The following ZNF814 variants were observed in gnomAD, a reference collection of about 807,000 sequenced individuals.
ZNF814 encodes the protein zinc finger protein 814.
In ZNF814, 5 loss-of-function variants were observed where a neutral mutation model predicts 7.5. The ratio of observed to expected loss-of-function variants is 0.67; its 90% confidence interval spans 0.35 to 1.40. The LOEUF (loss-of-function observed/expected upper bound fraction) is 1.40. Among genes scored for constraint, ZNF814 ranks in the 40% most tolerant of loss-of-function variants. The pLI, the probability that ZNF814 is intolerant of heterozygous loss-of-function variation, is 0.04. For synonymous variants in ZNF814, 315 were observed against 340.7 expected (o/e 0.92, Z 0.83); for missense variants, 962 against 1,018.0 (o/e 0.94, Z 0.75).
At chr19:57,888,432 A>T (rs1390065091) in intron 1 of ZNF814, among the ~76,000 whole-genome samples, 1 of 151,968 alleles carries the variant, frequency 6.6e-6, no homozygotes, top group Non-Finnish European at 1.5e-5. Context: ...GAAAATCTCC[A>T]TGCCTTCTAG....
At position 57,873,016 on chromosome 19, in the gene ZNF814, T is replaced by C. The variant is rs765298415; in HGVS notation, c.2374A>G (p.Arg792Gly). 6.2e-7 allele frequency: 1 copy of C among 1,613,694 alleles called. No individual in the cohort carries two copies. Among genetic ancestry groups the C allele is most frequent in the Non-Finnish European group, 8.5e-7 (1 of 1,179,794 alleles). Residue 792 changes from arginine to glycine, a missense_variant, in exon 3 of 3, where the codon AGA becomes GGA. Around this residue, in one of 7 missense-constraint regions of ZNF814, gnomAD observed 665 missense variants for 551.4 expected, o/e 1.21. Coordinates refer to ENST00000435989, the MANE Select transcript of ZNF814 (RefSeq NM_001144989.2). ...TAAGGCTTTTCTCCAGTGTGAACTC[T>C]TTTGTGTTTTGTGAAACTGGAGCTT... ...AESSSFTKHK[R>G]VHTGEKPYEC...
chr19:57,889,471 G>C (rs1362755634), upstream of ZNF814, among the ~76,000 whole-genome samples: 1 of 152,214 alleles, frequency 6.6e-6, no homozygotes, highest in African/African-American at 2.4e-5. Flanking sequence ...AGCCTGAGGA[G>C]GGAGAATCGC....
At chr19:57,883,114 T>G (rs2071661525) in intron 1 of ZNF814, among the ~76,000 whole-genome samples, 1 of 151,774 alleles carries the variant, frequency 6.6e-6, no homozygotes, top group Non-Finnish European at 1.5e-5. Flanking sequence ...ATCCCAGCAC[T>G]TTGGGAGGCC....
At chr19:57,891,987 T>C (rs1217476250), upstream of ZNF814, among the ~76,000 whole-genome samples, 2 of 152,150 alleles carry the variant, frequency 1.3e-5, no homozygotes, top group African/African-American at 4.8e-5. Context: ...CTCCCAACCT[T>C]GTGATCTGCC....
chr19:57,901,123 A>G, the ZNF814 span, among the ~76,000 whole-genome samples: 4 of 151,350 alleles, frequency 2.6e-5, no homozygotes. Flanking sequence ...GGCGTGAGCC[A>G]CCGCGCCCAG....
At chr19:57,882,137 C>T (rs1221308006) in intron 1 of ZNF814, among the ~76,000 whole-genome samples, 16 of 27,424 alleles carry the variant, frequency 5.8e-4, no homozygotes, top group African/African-American at 4.9e-3. Context: ...CCTGTGGGCC[C>T]GTGCTGGTGG....
At chr19:57,900,839 A>ATTTTTTTTTCTTTTTTTTTTT in the ZNF814 span, among the ~76,000 whole-genome samples, 1 of 45,782 alleles carries the variant, frequency 2.2e-5, no homozygotes, top group Non-Finnish European at 3.8e-5. Flanking sequence ...CCATGGCTGC[A>ATTTTTTTTTCTTTTTTTTTTT]TTTTTTTTTT....
At chr19:57,878,891 G>A (rs1459857538) in intron 1 of ZNF814, among the ~76,000 whole-genome samples, 1 of 151,918 alleles carries the variant, frequency 6.6e-6, no homozygotes, top group Non-Finnish European at 1.5e-5. Context: ...ACACAGCAAG[G>A]TCTTTTTCTA....
chr19:57,877,017 G>A lies in ZNF814; in HGVS notation c.62C>T (p.Ala21Val). ...CCATTCCTCCCAGGTAAAGTTCACA[G>A]CCACATCTTCAAAAGTCACTGTGCC... ...AQGTVTFEDV[A>V]VNFTWEEWNL... is the part of the protein sequence containing the mutation. Residue 21 changes from alanine to valine, a missense_variant, in exon 2 of 3, where the codon GCT becomes GTT. By Grantham distance (64) the Ala-to-Val change is moderately conservative. Coordinates refer to ENST00000435989, the MANE Select transcript of ZNF814 (RefSeq NM_001144989.2). The A allele has an allele frequency of 6.2e-7, 1 of 1,614,084 alleles. No individual in the cohort carries two copies. The highest frequency in any genetic ancestry group is 8.5e-7 in the Non-Finnish European group (1 of 1,179,990).
At chr19:57,878,410 A>G (rs2071625184) in intron 1 of ZNF814, among the ~76,000 whole-genome samples, 2 of 151,162 alleles carry the variant, frequency 1.3e-5, no homozygotes. Context: ...TATAACAGGA[A>G]CTCTGCCTGG....
chr19:57,892,963 G>A (rs1355363238), upstream of ZNF814, among the ~76,000 whole-genome samples: 1 of 152,178 alleles, frequency 6.6e-6, no homozygotes, highest in Non-Finnish European at 1.5e-5. Flanking sequence ...TATTCCAGGC[G>A]GAGCCGAGTG....
upstream of ZNF814, among the ~76,000 whole-genome samples, chr19:57,889,774 G>A (rs1383043216): frequency 6.6e-6 from 1 of 151,906 alleles, no homozygotes; most frequent in South Asian, 2.1e-4. Context: ...CGAGGCAGGA[G>A]AATCTCTTGT....
chr19:57,904,353 T>G, the ZNF814 span, among the ~76,000 whole-genome samples: 1 of 152,178 alleles, frequency 6.6e-6, no homozygotes, highest in Non-Finnish European at 1.5e-5. Context: ...GCAGCCTCCA[T>G]ACTGGCGTTG....
At chr19:57,895,621 T>C in the ZNF814 span, among the ~76,000 whole-genome samples, 4 of 152,040 alleles carry the variant, frequency 2.6e-5, no homozygotes, top group African/African-American at 9.7e-5. Context: ...CTCTCTGTCT[T>C]AGGAGAGACT....
At chr19:57,883,357 C>CAAAA in intron 1 of ZNF814, among the ~76,000 whole-genome samples, 1 of 65,338 alleles carries the variant, frequency 1.5e-5, no homozygotes, top group Admixed American at 1.8e-4. Context: ...GACTCCATCT[C>CAAAA]AAAAAAAAAA....
chr19:57,888,777 A>G lies in ZNF814; in HGVS notation c.26T>C (p.Leu9Pro), dbSNP rs965894988. 1 of 1,552,768 alleles carries G rather than the reference A, an allele frequency of 6.4e-7. No homozygotes were observed. Among genetic ancestry groups the G allele is most frequent in the Non-Finnish European group, 8.7e-7 (1 of 1,147,650 alleles). Reference protein sequence around the residue: MAAAATLRLSAQGTVTFED... With the variant: MAAAATLRPSAQGTVTFED... ...AGGCCCCACAATTACCTGAGCGGAG[A>G]GCCTCAGCGTAGCCGCGGCAGCCAT... Residue 9 changes from leucine to proline, a missense_variant, in exon 1 of 3, where the codon CTC becomes CCC. Coordinates refer to ENST00000435989, the MANE Select transcript of ZNF814 (RefSeq NM_001144989.2).
intron 1 of ZNF814, among the ~76,000 whole-genome samples, chr19:57,882,807 C>A (rs1358109811): frequency 1.6e-4 from 24 of 151,584 alleles, no homozygotes; most frequent in Non-Finnish European, 1.2e-4. Context: ...TGAGCCCAGA[C>A]TGTGAAGACC....
upstream of ZNF814, among the ~76,000 whole-genome samples, chr19:57,893,052 G>A (rs1178779866): frequency 6.6e-6 from 1 of 152,166 alleles, no homozygotes; most frequent in East Asian, 1.9e-4. Context: ...ATTGCAGATT[G>A]GCCCCCAAGG....
intron 1 of ZNF814, among the ~76,000 whole-genome samples, chr19:57,887,752 G>A (rs1179723975): frequency 2.0e-5 from 3 of 152,026 alleles, no homozygotes; most frequent in Non-Finnish European, 4.4e-5. Context: ...AACTGATAAG[G>A]GACTGGGAAC....
Sources: allele counts gnomAD v4.1 joint callset (sites outside exome capture counted in the v4.1 genomes callset), GRCh38; gene constraint gnomAD v4.1.1; regional missense constraint gnomAD v4.1.1; transcripts MANE v1.5; gene names NCBI Gene and HGNC (gene_info 2026-07-23, HGNC 2026-07-21).